DLGAP2: variants seen among roughly 807,000 people sequenced by gnomAD.
The protein encoded by DLGAP2 is DLG associated protein 2, also known as disks large-associated protein 2.
DLGAP2 carries 26 observed loss-of-function variants against 100.3 expected under a neutral mutation model. The observed-to-expected ratio is 0.26, with a 90% CI of 0.19 to 0.36. The LOEUF (loss-of-function observed/expected upper bound fraction) is 0.36, where lower values mean the gene tolerates loss of function less well. Ranked by LOEUF, DLGAP2 falls within the 10% of genes least tolerant of loss-of-function variation. The pLI, the probability that DLGAP2 is intolerant of heterozygous loss-of-function variation, is 1.00. For missense variants in DLGAP2, 1,858 were observed against 1,453.2 expected (o/e 1.28, Z -4.53); for synonymous variants, 886 against 630.1 (o/e 1.41, Z -6.08).
In DLGAP2 at chr8:779,196, G is replaced by A. The variant is rs188651053; in HGVS notation, c.18+41371G>A. Among the ~76,000 whole-genome samples, 13 of 152,346 alleles carry A rather than the reference G, an allele frequency of 8.5e-5. No individual in the cohort carries two copies. The East Asian group carries it at 1.7e-3, about 20-fold the overall frequency. On this transcript the variant is annotated intron_variant, in intron 1 of 14. Transcript: ENST00000637795. The stretch of plus-strand genomic sequence containing the variant: ...GTGAGGCAATGCCTCGCCCTGCTTC[G>A]GCTCGCGCATGGTGCGCGCACCCAC...
chr8:1,142,603 G>GT (rs1435127416), intron 2 of DLGAP2, among the ~76,000 whole-genome samples: 1 of 152,224 alleles, frequency 6.6e-6, no homozygotes, highest in African/African-American at 2.4e-5. Context: ...TGCTTGTTCT[G>GT]TAAGCCCTGG....
intron 2 of DLGAP2, chr8:1,002,451 GA>G (rs1318231572): frequency 6.6e-6 from 1 of 152,210 alleles, no homozygotes; most frequent in Non-Finnish European, 1.5e-5. Flanking sequence ...TTTTAATAGG[GA>G]AAACATTCAG....
chr8:1,419,205 CGTGTGT>C lies in DLGAP2; in HGVS notation c.107-82138_107-82133del, dbSNP rs59073892. ...ATACTGTGTTACACTCTGATGCGTGCGTGTGTGTGTGTGTGTGTGTGTGTGTGTAGG... is the reference window on the plus strand; with the variant it reads ...ATACTGTGTTACACTCTGATGCGTGCGTGTGTGTGTGTGTGTGTGTGTAGG... On this transcript the variant is annotated intron_variant, in intron 3 of 14. Coordinates refer to ENST00000637795, the MANE Select transcript of DLGAP2 (RefSeq NM_001346810.2). Among the ~76,000 whole-genome samples the C allele has an allele frequency of 1.9e-3, 143 of 73,764 alleles. 1 individual carries two copies. Among genetic ancestry groups the C allele is most frequent in the South Asian group, 0.012 (25 of 2,096 alleles). 48.4% of individuals were successfully genotyped at this position (73,764 alleles called of 152,430 possible).
intron 2 of DLGAP2, among the ~76,000 whole-genome samples, chr8:1,084,187 G>C (rs753282296): frequency 2.6e-5 from 4 of 152,124 alleles, no homozygotes; most frequent in Non-Finnish European, 5.9e-5. Flanking sequence ...AAAAGGTCTA[G>C]TCTGTCAAAC....
intron 3 of DLGAP2, among the ~76,000 whole-genome samples, chr8:1,269,129 T>C (rs376729278): frequency 5.3e-5 from 8 of 152,316 alleles, no homozygotes; most frequent in African/African-American, 1.9e-4. Context: ...CACCCCTTCA[T>C]CGGTGGGCCC....
intron 2 of DLGAP2, among the ~76,000 whole-genome samples, chr8:1,221,407 C>T (rs1248017982): frequency 7.2e-5 from 11 of 152,302 alleles, no homozygotes; most frequent in South Asian, 2.1e-4. Context: ...CTTTTCTTTA[C>T]GGATGCTGAA....
intron 2 of DLGAP2, among the ~76,000 whole-genome samples, chr8:928,021 C>T (rs1798856190): frequency 6.6e-6 from 1 of 152,136 alleles, no homozygotes; most frequent in Admixed American, 6.5e-5. Context: ...TGCCGGCCAG[C>T]CATGGGGTCC....
At chr8:901,726 G>A (rs1405272606) in intron 1 of DLGAP2, among the ~76,000 whole-genome samples, 1 of 152,230 alleles carries the variant, frequency 6.6e-6, no homozygotes, top group African/African-American at 2.4e-5. Context: ...ATGGCAGCAC[G>A]GGGCGTCCCC....
chr8:743,169 A>G (rs188212775), intron 1 of DLGAP2, among the ~76,000 whole-genome samples: 21 of 152,348 alleles, frequency 1.4e-4, no homozygotes, highest in African/African-American at 4.6e-4. Flanking sequence ...AAAAATGCTA[A>G]TTAGAAAATA....
intron 2 of DLGAP2, among the ~76,000 whole-genome samples, chr8:981,456 C>T (rs12674561): frequency 4.6e-5 from 7 of 152,126 alleles, no homozygotes; most frequent in East Asian, 1.9e-4. Flanking sequence ...GGAGTGGAAG[C>T]GCTAGGTCAT....
At chr8:825,106 C>T (rs1166091297) in intron 1 of DLGAP2, among the ~76,000 whole-genome samples, 4 of 152,150 alleles carry the variant, frequency 2.6e-5, no homozygotes, top group Non-Finnish European at 5.9e-5. Context: ...CACTGCAGAC[C>T]CTGCCAGAGG....
intron 3 of DLGAP2, among the ~76,000 whole-genome samples, chr8:1,453,867 A>T (rs1798231568): frequency 6.6e-6 from 1 of 152,234 alleles, no homozygotes; most frequent in Non-Finnish European, 1.5e-5. Context: ...TTCAGTCTCC[A>T]TGGAAACTGG....
At chr8:796,422 A>G (rs60361672) in intron 1 of DLGAP2, among the ~76,000 whole-genome samples, 19,344 of 151,418 alleles carry the variant, frequency 0.13, 1,410 homozygotes, top group East Asian at 0.23. Context: ...GACTGCCTGG[A>G]TGCTTTCCTG....
intron 1 of DLGAP2, among the ~76,000 whole-genome samples, chr8:857,862 C>G (rs1386721660): frequency 6.9e-6 from 1 of 144,932 alleles, no homozygotes; most frequent in African/African-American, 2.5e-5. Flanking sequence ...CACACAAAAA[C>G]TTGCACATGA....
chr8:1,110,126 C>T (rs1159142301), intron 2 of DLGAP2, among the ~76,000 whole-genome samples: 3 of 126,562 alleles, frequency 2.4e-5, no homozygotes, highest in Admixed American at 8.7e-5. Flanking sequence ...GAGGTGTGCA[C>T]GTGCCTGTGA....
At chr8:1,237,672 TC>T (rs1798694572) in intron 2 of DLGAP2, among the ~76,000 whole-genome samples, 1 of 27,404 alleles carries the variant, frequency 3.6e-5, no homozygotes, top group African/African-American at 1.1e-4. Context: ...CATGTCTAGT[TC>T]TCTCTCACAT....
chr8:1,648,124 G>A (rs989583396), intron 8 of DLGAP2, among the ~76,000 whole-genome samples: 4 of 152,182 alleles, frequency 2.6e-5, no homozygotes, highest in East Asian at 1.9e-4. Flanking sequence ...TTGGTTCAAC[G>A]TATGAGTGAG....
intron 2 of DLGAP2, among the ~76,000 whole-genome samples, chr8:1,140,501 A>G (rs1485006698): frequency 3.3e-5 from 5 of 152,098 alleles, no homozygotes; most frequent in Non-Finnish European, 5.9e-5. Context: ...ACCTGCTCAG[A>G]GGCCTCCTGG....
At position 1,231,049 on chromosome 8, in the gene DLGAP2, A is replaced by G. The variant is rs146413939; in HGVS notation, c.74-27802A>G. On this transcript the variant is annotated intron_variant, in intron 2 of 14. Transcript: ENST00000637795. ...AAAGAGCTTCTGCATAGCAAGAGAA[A>G]CTATCAACAGAGTAAACAGCCTACA... 5.1e-4 allele frequency among the ~76,000 whole-genome samples: 78 copies of G among 152,360 alleles called. 1 individual carries two copies. The East Asian group carries it at 0.013, about 26-fold the overall frequency.
Sources: allele counts gnomAD v4.1 joint callset (sites outside exome capture counted in the v4.1 genomes callset), GRCh38; gene constraint gnomAD v4.1.1; transcripts MANE v1.5; gene names NCBI Gene and HGNC (gene_info 2026-07-23, HGNC 2026-07-21).